FGF14: variants seen among roughly 807,000 people sequenced by gnomAD.
FGF14 encodes fibroblast growth factor 14, also known as fibroblast growth factor homologous factor 4.
In FGF14, 5 loss-of-function variants were observed where a neutral mutation model predicts 25.5. The observed-to-expected ratio is 0.20, with a 90% CI of 0.10 to 0.41. The LOEUF (loss-of-function observed/expected upper bound fraction) is 0.41. Among genes scored for constraint, FGF14 ranks in the 10% least tolerant of loss-of-function variants. The pLI is 1.00. For synonymous variants in FGF14, 138 were observed against 118.3 expected, an observed-to-expected ratio of 1.17 and a Z score of -1.08; for missense variants, 222 against 320.1, an observed-to-expected ratio of 0.69 and a Z score of 2.34.
intron 1 of FGF14, among the ~76,000 whole-genome samples, chr13:102,116,068 C>T (rs2045456465): frequency 6.6e-6 from 1 of 152,134 alleles, no homozygotes; most frequent in South Asian, 2.1e-4. Context: ...CGAGATCAAG[C>T]CACTAGACTC....
At chr13:102,185,944 T>C (rs2048857143) in intron 1 of FGF14, among the ~76,000 whole-genome samples, 1 of 152,192 alleles carries the variant, frequency 6.6e-6, no homozygotes, top group Non-Finnish European at 1.5e-5. Context: ...GGCCTCTTCA[T>C]GCTATTAACA....
chr13:101,897,387 G>A (rs2030856218), intron 1 of FGF14, among the ~76,000 whole-genome samples: 1 of 152,138 alleles, frequency 6.6e-6, no homozygotes, highest in African/African-American at 2.4e-5. Context: ...GGTCTATTTG[G>A]GGTGTGGCCA....
At chr13:101,947,556 G>A (rs764208303) in intron 1 of FGF14, among the ~76,000 whole-genome samples, 2 of 152,148 alleles carry the variant, frequency 1.3e-5, no homozygotes, top group Non-Finnish European at 2.9e-5. Flanking sequence ...GCAGCTAGAG[G>A]CCATTATTCT....
At chr13:102,154,874 T>C (rs1237411628) in intron 1 of FGF14, among the ~76,000 whole-genome samples, 1 of 150,442 alleles carries the variant, frequency 6.6e-6, no homozygotes, top group African/African-American at 2.4e-5. Flanking sequence ...TAGTCTCTGA[T>C]AAAACAGACT....
chr13:101,740,952 C>G (rs1362822884), intron 3 of FGF14, among the ~76,000 whole-genome samples: 1 of 152,072 alleles, frequency 6.6e-6, no homozygotes, highest in Non-Finnish European at 1.5e-5. Flanking sequence ...GGCAAAGGTC[C>G]TTAAATTTCT....
intron 1 of FGF14, among the ~76,000 whole-genome samples, chr13:102,174,110 CA>C (rs1408747147): frequency 6.7e-6 from 1 of 148,746 alleles, no homozygotes; most frequent in African/African-American, 2.5e-5. Context: ...GGATACGAAA[CA>C]AAACATGCAA....
intron 1 of FGF14, among the ~76,000 whole-genome samples, chr13:102,088,842 T>C (rs1387013030): frequency 1.3e-5 from 2 of 152,104 alleles, no homozygotes; most frequent in African/African-American, 2.4e-5. Context: ...CAAAGATGAG[T>C]ACATTATACA....
Position 101,721,384 on chromosome 13 carries a change from T to TAAAAG in FGF14, c.*1442_*1446dup, listed in dbSNP as rs1199498929. The TAAAAG allele has an allele frequency of 6.6e-6, 1 of 151,894 alleles. No individual in the cohort carries two copies. The highest frequency in any genetic ancestry group is 1.5e-5 in the Non-Finnish European group (1 of 67,972). 9.4% of individuals were successfully genotyped at this position (151,894 alleles called of 1,614,324 possible). A position where few individuals can be genotyped will look rare whatever the true frequency, so the allele number is the denominator to read the frequency against. On this transcript the variant is annotated 3_prime_UTR_variant, in exon 5 of 5. Transcript: ENST00000376143. ...TAAAAAGGAAATTAAGAATGCAAAA[T>TAAAAG]AAAAGAAAATAAATGGAATGGACCA... is the stretch of plus-strand genomic sequence containing the variant.
intron 1 of FGF14, among the ~76,000 whole-genome samples, chr13:102,076,517 T>C (rs1023991087): frequency 6.6e-6 from 1 of 152,080 alleles, no homozygotes; most frequent in Non-Finnish European, 1.5e-5. Flanking sequence ...TCAGAACATA[T>C]CCCCATTGTT....
Position 101,717,017 on chromosome 13 carries a change from AACC to A in FGF14, c.*5811_*5813del, listed in dbSNP as rs946674616. Reference sequence around the variant, plus strand: ...TTTAATTATTTAGAGCTAAAAAAAAAACCACTTTTTTTCTAAAGGTGAATTACT... The same window carrying A: ...TTTAATTATTTAGAGCTAAAAAAAAAACTTTTTTTCTAAAGGTGAATTACT... On this transcript the variant is annotated 3_prime_UTR_variant, in exon 5 of 5. Coordinates refer to ENST00000376143, the MANE Select transcript of FGF14 (RefSeq NM_004115.4). The A allele has an allele frequency of 9.9e-5, 15 of 152,072 alleles. 1 individual carries two copies. The highest frequency in any genetic ancestry group is 1.3e-4 in the Admixed American group (2 of 15,264). The allele number at this position is 152,072 out of a possible 1,614,324, so 9.4% of individuals were successfully genotyped here. A position where few individuals can be genotyped will look rare whatever the true frequency, so the allele number is the denominator to read the frequency against.
At chr13:101,908,730 G>GA (rs1239522701) in intron 1 of FGF14, among the ~76,000 whole-genome samples, 2 of 152,038 alleles carry the variant, frequency 1.3e-5, no homozygotes, top group Non-Finnish European at 2.9e-5. Context: ...CACAGAATTG[G>GA]AAAAAACTAC....
chr13:102,239,635 C>T lies in FGF14; in HGVS notation c.208+161836G>A, dbSNP rs147414638. Among the ~76,000 whole-genome samples the T allele has an allele frequency of 3.0e-3, 461 of 152,256 alleles. 2 individuals are homozygous for T. Among genetic ancestry groups the T allele is most frequent in the African/African-American group, 0.011 (451 of 41,544 alleles). On this transcript the variant is annotated intron_variant, in intron 1 of 4. Transcript: ENST00000376131. ...AAAAAATAAAGATTATGAAATAATG[C>T]CCCTAACCAAAAGTGGTCCCTTTGA...
chr13:101,888,927 C>A (rs180823245), intron 1 of FGF14, among the ~76,000 whole-genome samples: 1 of 152,230 alleles, frequency 6.6e-6, no homozygotes, highest in Admixed American at 6.5e-5. Flanking sequence ...CAGACAGAGC[C>A]CTTAAAGACA....
chr13:101,925,487 T>C (rs1404164502), intron 1 of FGF14, among the ~76,000 whole-genome samples: 1 of 152,132 alleles, frequency 6.6e-6, no homozygotes, highest in Non-Finnish European at 1.5e-5. Flanking sequence ...TCAGAAAGTC[T>C]AGTTAAATAC....
At chr13:101,881,885 T>G (rs1241636772) in intron 1 of FGF14, among the ~76,000 whole-genome samples, 1 of 152,188 alleles carries the variant, frequency 6.6e-6, no homozygotes, top group African/African-American at 2.4e-5. Flanking sequence ...CTTATGGTAC[T>G]TTCAGGAACT....
intron 3 of FGF14, among the ~76,000 whole-genome samples, chr13:101,768,517 T>C (rs908178538): frequency 5.9e-5 from 9 of 151,954 alleles, no homozygotes; most frequent in Admixed American, 2.6e-4. Flanking sequence ...TCCACCACAA[T>C]ATTGAAGGAG....
intron 1 of FGF14, among the ~76,000 whole-genome samples, chr13:101,922,962 C>T (rs1594741058): frequency 6.6e-6 from 1 of 152,104 alleles, no homozygotes; most frequent in South Asian, 2.1e-4. Flanking sequence ...TTCATTTCTG[C>T]CATTGCCACG....
At chr13:101,766,865 A>G (rs2038437540) in intron 3 of FGF14, among the ~76,000 whole-genome samples, 1 of 152,030 alleles carries the variant, frequency 6.6e-6, no homozygotes, top group South Asian at 2.1e-4. Flanking sequence ...AATGCCAGGC[A>G]CCTCCTGGGA....
intron 1 of FGF14, among the ~76,000 whole-genome samples, chr13:102,385,725 A>C (rs1016780677): frequency 9.9e-5 from 15 of 152,134 alleles, no homozygotes; most frequent in African/African-American, 3.6e-4. Flanking sequence ...CTCTTGGGTG[A>C]AAGATTCTAA....
Sources: allele counts gnomAD v4.1 joint callset (sites outside exome capture counted in the v4.1 genomes callset), GRCh38; gene constraint gnomAD v4.1.1; transcripts MANE v1.5; gene names NCBI Gene and HGNC (gene_info 2026-07-23, HGNC 2026-07-21).